Variants in SLC5A5 observed in about 807,000 individuals in gnomAD.
The protein encoded by SLC5A5 is solute carrier family 5 member 5.
In SLC5A5, 56 loss-of-function variants were observed where a neutral mutation model predicts 68.6. That is an observed-to-expected ratio of 0.82 (90% confidence interval 0.66 to 1.02). The LOEUF (loss-of-function observed/expected upper bound fraction) is 1.02. SLC5A5 is among the 50% of genes least tolerant of loss of function. The probability of loss-of-function intolerance (pLI) is 0.00; values close to 1 mark genes in which losing one functional copy is unlikely to be tolerated. For synonymous variants in SLC5A5, 398 were observed against 373.0 expected (o/e 1.07, Z -0.77); for missense variants, 807 against 859.8 (o/e 0.94, Z 0.77).
At chr19:17,872,771 A>C in intron 1 of SLC5A5, 95 bp downstream of exon 1, 1 of 820,116 alleles carries the variant, frequency 1.2e-6, no homozygotes, top group Non-Finnish European at 2.1e-6. Context: ...GCTGTACAGG[A>C]GGACGCGGAT....
rs79642877 is a variant in SLC5A5 at position 17,886,650 on chromosome 19, C to T, written c.1527-1681C>T. 9.1e-3 allele frequency among the ~76,000 whole-genome samples: 1,380 copies of T among 152,206 alleles called. 21 individuals carry two copies. Among genetic ancestry groups the T allele is most frequent in the African/African-American group, 0.031 (1,280 of 41,532 alleles). ...GGAACTACCAGACTGTTTTCCACAG[C>T]GGCCACATCATTTTACATTCCGACC... On this transcript the variant is annotated intron_variant, in intron 12 of 14. Coordinates refer to ENST00000222248, the MANE Select transcript of SLC5A5 (RefSeq NM_000453.3).
At chr19:17,881,866 C>T (rs1599922244) in intron 8 of SLC5A5, 94 bp from the exon 9 acceptor site, 3 of 903,632 alleles carry the variant, frequency 3.3e-6, no homozygotes, top group East Asian at 2.5e-5. Flanking sequence ...TTACCCCCAC[C>T]GTTGCCCTCA....
At position 17,881,834 on chromosome 19, in the gene SLC5A5, CCTT is replaced by C. The variant is rs1008824804; in HGVS notation, c.1059-124_1059-122del. 30 of 739,238 alleles carry C rather than the reference CCTT, an allele frequency of 4.1e-5. No individual in the cohort carries two copies. In the African/African-American group the frequency reaches 5.2e-4, roughly 13 times the overall value. 45.8% of individuals were successfully genotyped at this position (739,238 alleles called of 1,614,324 possible). A position where few individuals can be genotyped will look rare whatever the true frequency, so the allele number is the denominator to read the frequency against. ...TCGGGGAGGGGAGGGGCAAATATCT[CCTT>C]CACCTTTGCAGGACTGGGTTACCCC... On this transcript the variant is annotated intron_variant, in intron 8 of 14. Transcript: ENST00000222248.
At chr19:17,892,227 G>A (rs1394483321) in intron 14 of SLC5A5, among the ~76,000 whole-genome samples, 3 of 152,050 alleles carry the variant, frequency 2.0e-5, no homozygotes, top group African/African-American at 7.2e-5. Context: ...GAACCCGGGA[G>A]GTAGAGGTTG....
At position 17,893,812 on chromosome 19, in the gene SLC5A5, G is replaced by T. The variant is rs777814660; in HGVS notation, c.1867G>T (p.Ala623Ser). ...FFLGQKELEG[A>S]GSWTPCVGHD... ...CTTGGGGCAGAAGGAGCTGGAGGGG[G>T]CTGGCTCTTGGACCCCCTGTGTTGG... Residue 623 changes from alanine (A) to serine (S), a missense_variant, in exon 15 of 15, where the codon GCT becomes TCT. Ala to Ser is a moderately conservative substitution (Grantham distance 99). Coordinates refer to ENST00000222248, the MANE Select transcript of SLC5A5 (RefSeq NM_000453.3). The T allele has an allele frequency of 1.2e-6, 2 of 1,604,870 alleles. No homozygotes were observed. The highest frequency in any genetic ancestry group is 1.3e-5 in the African/African-American group (1 of 74,700).
rs2094301100 is a variant in SLC5A5, at chr19:17,874,219, C to T, written c.423+16C>T. 1 of 1,585,208 alleles carries T rather than the reference C, an allele frequency of 6.3e-7. No homozygotes were observed. Among genetic ancestry groups the T allele is most frequent in the Non-Finnish European group, 8.7e-7 (1 of 1,154,902 alleles). The stretch of plus-strand genomic sequence containing the variant: ...TGTAGCCACGGTGAGTGGCCTCGGC[C>T]CCGCCCTCCGCTCAGGGCCCCGAGA... On this transcript the variant is annotated intron_variant, in intron 2 of 14. Transcript: ENST00000222248.
chr19:17,888,640 TC>T (rs2030027257), intron 13 of SLC5A5, among the ~76,000 whole-genome samples, 185 bp downstream of exon 13: 1 of 147,246 alleles, frequency 6.8e-6, no homozygotes, highest in South Asian at 2.1e-4. Context: ...ATCATCATCA[TC>T]ATCATTTTTG....
rs7250346 is a variant in SLC5A5 at position 17,893,553 on chromosome 19, C to G, written c.1768-160C>G. On this transcript the variant is annotated intron_variant, in intron 14 of 14. Coordinates refer to ENST00000222248, the MANE Select transcript of SLC5A5 (RefSeq NM_000453.3). ...GCGCATGGAAATTTTGGAGGCAGAG[C>G]GGGCAGGACTGGCCCGTGCACTGAG... Among the ~76,000 whole-genome samples, 49,608 of 151,928 alleles carry G rather than the reference C, an allele frequency of 0.33. 10,306 individuals carry two copies. Among genetic ancestry groups the G allele is most frequent in the African/African-American group, 0.58 (24,102 of 41,388 alleles).
intron 7 of SLC5A5, among the ~76,000 whole-genome samples, chr19:17,880,137 G>T (rs2094317246): frequency 6.6e-6 from 1 of 151,978 alleles, no homozygotes; most frequent in Non-Finnish European, 1.5e-5. Flanking sequence ...CTGACCTCAG[G>T]TGATCCACCT....
At chr19:17,891,952 A>T (rs1456482697) in intron 14 of SLC5A5, among the ~76,000 whole-genome samples, 1 of 152,172 alleles carries the variant, frequency 6.6e-6, no homozygotes, top group Non-Finnish European at 1.5e-5. Context: ...TAAAAAGAGA[A>T]ACATGTAGGG....
At chr19:17,873,571 C>G (rs749766874) in intron 1 of SLC5A5, among the ~76,000 whole-genome samples, 17 of 152,174 alleles carry the variant, frequency 1.1e-4, no homozygotes, top group Non-Finnish European at 2.5e-4. Flanking sequence ...GCCTGGCTAA[C>G]ATGGTGAAAC....
chr19:17,883,774 G>A lies in SLC5A5; in HGVS notation c.1329+7G>A. ...GCCGGCCTGCAACACACCGGTGAGTGGGGGCGGGGCAAGGGGCGGGGAGGG... is the reference window on the plus strand; with the variant it reads ...GCCGGCCTGCAACACACCGGTGAGTAGGGGCGGGGCAAGGGGCGGGGAGGG... On this transcript the variant is annotated splice_region_variant and intron_variant, in intron 11 of 14. Coordinates refer to ENST00000222248, the MANE Select transcript of SLC5A5 (RefSeq NM_000453.3). 3 of 1,612,118 alleles carry A rather than the reference G, an allele frequency of 1.9e-6. No individual in the cohort carries two copies. The highest frequency in any genetic ancestry group is 2.5e-6 in the Non-Finnish European group (3 of 1,179,158).
At chr19:17,875,880 A>G in intron 4 of SLC5A5, 72 bp from the exon 5 acceptor site, 5 of 1,440,040 alleles carry the variant, frequency 3.5e-6, no homozygotes, top group South Asian at 3.5e-5. Context: ...GAAGGGCATC[A>G]GTCCTAGGCA....
intron 13 of SLC5A5, among the ~76,000 whole-genome samples, 171 bp downstream of exon 13, chr19:17,888,626 C>A (rs1177807716): frequency 7.2e-6 from 1 of 138,994 alleles, no homozygotes. Flanking sequence ...TTATCATCAT[C>A]ATCATCATCA....
intron 5 of SLC5A5, among the ~76,000 whole-genome samples, chr19:17,876,480 C>T (rs1193643915): frequency 6.6e-6 from 1 of 151,328 alleles, no homozygotes; most frequent in East Asian, 1.9e-4. Context: ...GTAATCCCAG[C>T]ACTTTGGGAG....
At chr19:17,883,790 G>A (rs1568423641) in intron 11 of SLC5A5, 23 bp downstream of exon 11, 12 of 1,605,306 alleles carry the variant, frequency 7.5e-6, no homozygotes, top group Non-Finnish European at 9.4e-6. Context: ...GGGGCAAGGG[G>A]CGGGGAGGGG....
In SLC5A5 at chr19:17,884,032, C is replaced by T; in HGVS notation, c.1512C>T (p.Ser504=). The T allele has an allele frequency of 6.4e-7, 1 of 1,567,322 alleles. No individual in the cohort carries two copies. Among genetic ancestry groups the T allele is most frequent in the Non-Finnish European group, 8.6e-7 (1 of 1,158,682 alleles). Reference sequence around the variant, plus strand: ...CGGCTCTCCTCCCTGCTAACGACTCCAGCAGGGCCCCCAGGTGAGCAGACT... The same window carrying T: ...CGGCTCTCCTCCCTGCTAACGACTCTAGCAGGGCCCCCAGGTGAGCAGACT... ...LDPALLPAND[S]SRAPSSGMDA... Residue 504 remains serine (S), a synonymous_variant, in exon 12 of 15, where the codon TCC becomes TCT. Coordinates refer to ENST00000222248, the MANE Select transcript of SLC5A5 (RefSeq NM_000453.3).
At chr19:17,888,574 G>A (rs962786004) in intron 13 of SLC5A5, 119 bp downstream of exon 13, 6 of 698,394 alleles carry the variant, frequency 8.6e-6, no homozygotes, top group South Asian at 1.6e-5. Flanking sequence ...ACTGTGTGCT[G>A]TACACATTTG....
chr19:17,887,969 C>T (rs927666555), intron 12 of SLC5A5, among the ~76,000 whole-genome samples: 4 of 152,022 alleles, frequency 2.6e-5, no homozygotes, highest in Admixed American at 1.3e-4. Context: ...TTGCTTTTGG[C>T]GTCATATCTA....
Sources: gnomAD v4.1 joint callset for allele counts (sites outside exome capture counted in the v4.1 genomes callset) on GRCh38, gnomAD v4.1.1 for gene constraint, MANE v1.5 for transcripts, NCBI Gene and HGNC (gene_info 2026-07-23, HGNC 2026-07-21) for gene names.